CPNE1: variants seen among roughly 807,000 people sequenced by gnomAD.
CPNE1 encodes the protein copine 1.
In CPNE1, 58 loss-of-function variants were observed where a neutral mutation model predicts 63.2. The observed-to-expected ratio is 0.92, with a 90% CI of 0.74 to 1.14. The LOEUF (loss-of-function observed/expected upper bound fraction) is 1.14. CPNE1 is among the 50% of genes most tolerant of loss of function. The pLI, the probability that CPNE1 is intolerant of heterozygous loss-of-function variation, is 0.00. For synonymous variants in CPNE1, 237 were observed against 249.0 expected, an observed-to-expected ratio of 0.95 and a Z score of 0.45; for missense variants, 672 against 661.7, an observed-to-expected ratio of 1.02 and a Z score of -0.17.
In CPNE1 at chr20:35,626,110, A is replaced by G. The variant is rs781575426; in HGVS notation, c.*131T>C. On this transcript the variant is annotated 3_prime_UTR_variant, in exon 16 of 16. Transcript: ENST00000397443. ...CAAAGGTGGGATCAAGAGCAGCAAA[A>G]GCAGAAACAAGTATAAAAGTATCAA... 1.0e-6 allele frequency: 1 copy of G among 984,030 alleles called. No individual in the cohort carries two copies. The highest frequency in any genetic ancestry group is 2.4e-5 in the East Asian group (1 of 41,558). 61.0% of individuals were successfully genotyped at this position (984,030 alleles called of 1,614,324 possible).
At chr20:35,661,851 A>T (rs371944575) in intron 1 of CPNE1, among the ~76,000 whole-genome samples, 4 of 152,242 alleles carry the variant, frequency 2.6e-5, no homozygotes, top group Non-Finnish European at 5.9e-5. Flanking sequence ...ATCACTCTTT[A>T]ATCAACAAGA....
At chr20:35,657,513 T>C (rs2033968862) in intron 1 of CPNE1, among the ~76,000 whole-genome samples, 1 of 152,086 alleles carries the variant, frequency 6.6e-6, no homozygotes, top group African/African-American at 2.4e-5. Flanking sequence ...AAACAGAAAC[T>C]TGATATAGTC....
chr20:35,663,819 C>T (rs1383387493), intron 1 of CPNE1, among the ~76,000 whole-genome samples: 1 of 152,176 alleles, frequency 6.6e-6, no homozygotes, highest in Non-Finnish European at 1.5e-5. Context: ...ACCTGTAGAT[C>T]CTCAAAGTCC....
chr20:35,639,984 C>T (rs1416143544), intron 1 of CPNE1, among the ~76,000 whole-genome samples: 1 of 152,174 alleles, frequency 6.6e-6, no homozygotes, highest in African/African-American at 2.4e-5. Flanking sequence ...CTCATGTGTG[C>T]CTCAGTAGGA....
At chr20:35,634,796 T>C (rs1257063717) in intron 1 of CPNE1, among the ~76,000 whole-genome samples, 1 of 151,962 alleles carries the variant, frequency 6.6e-6, no homozygotes, top group Admixed American at 6.6e-5. Context: ...TGAAGTGCAG[T>C]GGTGAGATCT....
At chr20:35,662,619 C>T (rs2034291986) in intron 1 of CPNE1, among the ~76,000 whole-genome samples, 2 of 152,336 alleles carry the variant, frequency 1.3e-5, no homozygotes, top group Middle Eastern at 3.4e-3. Context: ...CTTCCTACAA[C>T]ATCTACAGAA....
At chr20:35,653,133 T>C in intron 1 of CPNE1, 1 of 1,613,718 alleles carries the variant, frequency 6.2e-7, no homozygotes, top group Non-Finnish European at 8.5e-7. Context: ...CAAAGGCATT[T>C]GATCCACCAA....
At chr20:35,644,626 C>T (rs940582290) in intron 1 of CPNE1, among the ~76,000 whole-genome samples, 4 of 151,958 alleles carry the variant, frequency 2.6e-5, no homozygotes, top group Admixed American at 2.0e-4. Flanking sequence ...GATGGAACCA[C>T]GAACCGATTC....
chr20:35,646,252 CAAAAAA>C (rs549372063), intron 1 of CPNE1, among the ~76,000 whole-genome samples: 9,572 of 57,388 alleles, frequency 0.17, 197 homozygotes, highest in Admixed American at 0.2. Context: ...AAGACCATCT[CAAAAAA>C]AAAAAAAAAA....
At chr20:35,653,388 A>G in intron 1 of CPNE1, 1 of 1,614,174 alleles carries the variant, frequency 6.2e-7, no homozygotes, top group Non-Finnish European at 8.5e-7. Context: ...CTGCAGGATT[A>G]CCTGGCACAG....
intron 1 of CPNE1, among the ~76,000 whole-genome samples, chr20:35,660,563 G>A (rs2034178385): frequency 6.6e-6 from 1 of 152,136 alleles, no homozygotes; most frequent in African/African-American, 2.4e-5. Flanking sequence ...TCATTTGAAA[G>A]CCATATCTAG....
chr20:35,640,533 T>A (rs775612373), intron 1 of CPNE1, among the ~76,000 whole-genome samples: 27 of 152,186 alleles, frequency 1.8e-4, no homozygotes, highest in Non-Finnish European at 2.9e-4. Flanking sequence ...TCTCTAACAG[T>A]CTAACTGGTT....
chr20:35,636,452 T>C (rs781684612), intron 1 of CPNE1, among the ~76,000 whole-genome samples: 1 of 152,214 alleles, frequency 6.6e-6, no homozygotes, highest in Non-Finnish European at 1.5e-5. Context: ...AACGGAATGC[T>C]GAATAGTGGC....
chr20:35,626,165 T>G lies in CPNE1; in HGVS notation c.*76A>C. On this transcript the variant is annotated 3_prime_UTR_variant, in exon 16 of 16. Transcript: ENST00000397443. ...TACAAAGTGCTAGCACTGAGGAGAG[T>G]GAGAAGGGTTGGGTTGTGGCCCAGA... 7.0e-6 allele frequency: 10 copies of G among 1,429,008 alleles called. No homozygotes were observed. The highest frequency in any genetic ancestry group is 1.4e-5 in the African/African-American group (1 of 70,610). 88.5% of individuals were successfully genotyped at this position (1,429,008 alleles called of 1,614,324 possible).
chr20:35,653,245 G>T (rs767545471), intron 1 of CPNE1: 1 of 1,613,566 alleles, frequency 6.2e-7, no homozygotes, highest in East Asian at 2.2e-5. Flanking sequence ...TCCTGCACTG[G>T]GCATTCCCGC....
Position 35,632,858 on chromosome 20 carries a change from G to T in CPNE1, c.66C>A (p.Ile22=), listed in dbSNP as rs977868519. The T allele has an allele frequency of 2.3e-6, 2 of 872,756 alleles. No individual in the cohort carries two copies. The highest frequency in any genetic ancestry group is 1.6e-5 in the African/African-American group (1 of 61,300). The allele number at this position is 872,756 out of a possible 1,614,324, so 54.1% of individuals were successfully genotyped here. The change falls in exon 2 of 16, where the codon ATC becomes ATA. Residue 22 remains isoleucine (I), a synonymous_variant. Coordinates refer to ENST00000397443, the MANE Select transcript of CPNE1 (RefSeq NM_152925.3). The part of the protein sequence containing the change: ...ISCDHLIDKD[I]GSKSDPLCVL... ...CGCAGAGTGGGTCAGACTTGGAGCC[G>T]ATGTCCTTGTCAATGAGATGGTCAC...
In CPNE1 at chr20:35,663,783, T is replaced by C. The variant is rs114163122; in HGVS notation, c.-1+977A>G. 3.5e-3 allele frequency among the ~76,000 whole-genome samples: 537 copies of C among 152,352 alleles called. 5 individuals carry two copies. Among genetic ancestry groups the C allele is most frequent in the African/African-American group, 0.013 (522 of 41,580 alleles). On this transcript the variant is annotated intron_variant, in intron 1 of 15. Coordinates refer to ENST00000397443, the MANE Select transcript of CPNE1 (RefSeq NM_152925.3). ...TTTACAACCTAGCAGCTAAGCCTGC[T>C]GCACTGGCGTCCAACCCCGTCACTA...
At position 35,626,645 on chromosome 20, in the gene CPNE1, AC is replaced by A; in HGVS notation, c.1394del (p.Gly465ValfsTer110). 2.5e-6 allele frequency: 4 copies of A among 1,614,166 alleles called. No individual in the cohort carries two copies. The highest frequency in any genetic ancestry group is 3.4e-6 in the Non-Finnish European group (4 of 1,180,032). On this transcript the variant is annotated frameshift_variant, in exon 15 of 16. Transcript: ENST00000397443. LOFTEE classifies it high-confidence loss of function. ...GCCCAGAACGTGTATGCAGGGGTCCACCATCAGCGTCCAGCTGCTCCATGGC... is the reference window on the plus strand; with the variant it reads ...GCCCAGAACGTGTATGCAGGGGTCCACATCAGCGTCCAGCTGCTCCATGGC... ...FEAMEQLDAD[G>X]GPLHTRSGQA...
chr20:35,647,897 GAAA>G lies in CPNE1; in HGVS notation c.1-14977_1-14975del, dbSNP rs11481740. Among the ~76,000 whole-genome samples, 126 of 98,740 alleles carry G rather than the reference GAAA, an allele frequency of 1.3e-3. 2 individuals carry two copies. Among genetic ancestry groups the G allele is most frequent in the African/African-American group, 3.7e-3 (107 of 28,848 alleles). 64.8% of individuals were successfully genotyped at this position (98,740 alleles called of 152,430 possible). On this transcript the variant is annotated intron_variant, in intron 1 of 15. Transcript: ENST00000397443. The stretch of plus-strand genomic sequence containing the variant: ...GCAAAACCCCGTCTCTACTAAAAAT[GAAA>G]AAAAAAAAAAAAAAAATTAGCTGGG...
Sources: allele counts gnomAD v4.1 joint callset (sites outside exome capture counted in the v4.1 genomes callset), GRCh38; gene constraint gnomAD v4.1.1; transcripts MANE v1.5; gene names NCBI Gene and HGNC (gene_info 2026-07-23, HGNC 2026-07-21).